RIC1: variants seen among roughly 807,000 people sequenced by gnomAD.
RIC1 encodes RIC1 partner of RAB6A GEF complex.
Under a neutral mutation model 169.0 loss-of-function variants are expected in RIC1, and 88 were observed. That is an observed-to-expected ratio of 0.52 (90% CI 0.44 to 0.62). The LOEUF is 0.62. Among genes scored for constraint, RIC1 ranks in the 20% least tolerant of loss-of-function variants. RIC1 has a pLI of 0.00. For missense variants in RIC1, 1,877 were observed against 1,725.5 expected, an observed-to-expected ratio of 1.09 and a Z score of -1.56; for synonymous variants, 790 against 601.5, an observed-to-expected ratio of 1.31 and a Z score of -4.59.
chr9:5,760,412 A>G (rs1260917022), intron 17 of RIC1, among the ~76,000 whole-genome samples: 1 of 152,356 alleles, frequency 6.6e-6, no homozygotes, highest in Admixed American at 6.5e-5. Flanking sequence ...AGAAAAGAGA[A>G]GTGTACTTTT....
intron 1 of RIC1, among the ~76,000 whole-genome samples, chr9:5,646,006 T>G (rs1454222466): frequency 1.3e-5 from 2 of 150,842 alleles, no homozygotes; most frequent in East Asian, 3.9e-4. Context: ...AATTGCCACA[T>G]ACTGTGTTTC....
intron 4 of RIC1, among the ~76,000 whole-genome samples, chr9:5,715,156 A>G (rs1275602380): frequency 6.6e-6 from 1 of 152,214 alleles, no homozygotes; most frequent in Non-Finnish European, 1.5e-5. Context: ...CTTGGTCACA[A>G]GGTTATTCAT....
intron 6 of RIC1, among the ~76,000 whole-genome samples, chr9:5,730,246 TA>T (rs1302593663): frequency 6.6e-6 from 1 of 152,144 alleles, no homozygotes; most frequent in Non-Finnish European, 1.5e-5. Flanking sequence ...TCCTGAGGAC[TA>T]AAAGAGCTGG....
At position 5,680,456 on chromosome 9, in the gene RIC1, G is replaced by A. The variant is rs920129604; in HGVS notation, c.253-9503G>A. ...TGTACCTCTGGTAGAATTCAGCTGT[G>A]AATCCATCTGGTTCTGGACTTTTTT... On this transcript the variant is annotated intron_variant, in intron 2 of 25. Transcript: ENST00000414202. 5.3e-5 allele frequency among the ~76,000 whole-genome samples: 8 copies of A among 152,288 alleles called. No homozygotes were observed. The East Asian group carries it at 1.3e-3, about 26-fold the overall frequency.
intron 21 of RIC1, among the ~76,000 whole-genome samples, chr9:5,768,409 C>T (rs1166930150): frequency 3.9e-5 from 6 of 152,070 alleles, no homozygotes; most frequent in Admixed American, 3.9e-4. Context: ...TACCTGTAGT[C>T]CCAGCTACTT....
rs759252143 is a variant in RIC1 at position 5,703,784 on chromosome 9, C to T, written c.333-10112C>T. ...GTTTATCCATGAATCAGGTGATGGCCATTGAGGTTGTTTTCACTTTTTGGC... is the reference window on the plus strand; with the variant it reads ...GTTTATCCATGAATCAGGTGATGGCTATTGAGGTTGTTTTCACTTTTTGGC... On this transcript the variant is annotated intron_variant, in intron 3 of 25. Coordinates refer to ENST00000414202, the MANE Select transcript of RIC1 (RefSeq NM_020829.4). Among the ~76,000 whole-genome samples, 41 of 152,254 alleles carry T rather than the reference C, an allele frequency of 2.7e-4. No homozygotes were observed. The Middle Eastern group carries it at 0.01, about 38-fold the overall frequency.
At chr9:5,667,941 C>A (rs1679798575) in intron 2 of RIC1, among the ~76,000 whole-genome samples, 1 of 152,186 alleles carries the variant, frequency 6.6e-6, no homozygotes, top group South Asian at 2.1e-4. Context: ...TGTATTAGTT[C>A]TTTCTCATGC....
chr9:5,680,257 G>T (rs978546067), intron 2 of RIC1, among the ~76,000 whole-genome samples: 1 of 152,094 alleles, frequency 6.6e-6, no homozygotes, highest in East Asian at 1.9e-4. Context: ...ATTTTATTGA[G>T]GATTTTTGCT....
intron 3 of RIC1, among the ~76,000 whole-genome samples, chr9:5,704,256 T>C (rs922560889): frequency 6.6e-6 from 1 of 152,022 alleles, no homozygotes; most frequent in Non-Finnish European, 1.5e-5. Flanking sequence ...TCTTGCTCTG[T>C]CTTCCAGGCA....
intron 1 of RIC1, among the ~76,000 whole-genome samples, chr9:5,644,742 T>C (rs1372580240): frequency 6.6e-6 from 1 of 152,248 alleles, no homozygotes; most frequent in African/African-American, 2.4e-5. Context: ...TGTATACATG[T>C]CTGTGTGTGG....
At chr9:5,666,965 G>T (rs1473985015) in intron 2 of RIC1, among the ~76,000 whole-genome samples, 2 of 152,052 alleles carry the variant, frequency 1.3e-5, no homozygotes, top group Non-Finnish European at 2.9e-5. Flanking sequence ...TGATTTTTGT[G>T]ATTTGAATCA....
intron 2 of RIC1, among the ~76,000 whole-genome samples, chr9:5,671,579 A>G (rs997176016): frequency 6.6e-6 from 1 of 152,228 alleles, no homozygotes; most frequent in Admixed American, 6.5e-5. Context: ...CCCAGCCTGT[A>G]TTATTTTATA....
At chr9:5,771,438 C>G (rs1271355686) in intron 23 of RIC1, among the ~76,000 whole-genome samples, 1 of 152,084 alleles carries the variant, frequency 6.6e-6, no homozygotes, top group South Asian at 2.1e-4. Flanking sequence ...ATGATGGACA[C>G]TTGGGTTGCT....
intron 16 of RIC1, 143 bp downstream of exon 16, chr9:5,756,515 A>T (rs1826027780): frequency 2.2e-6 from 1 of 459,366 alleles, no homozygotes; most frequent in Admixed American, 4.0e-5. Context: ...AGGAGTTTTA[A>T]TTAGTGATAT....
intron 3 of RIC1, among the ~76,000 whole-genome samples, chr9:5,694,035 C>G (rs1048110741): frequency 6.6e-6 from 1 of 152,066 alleles, no homozygotes; most frequent in African/African-American, 2.4e-5. Flanking sequence ...TCTCCTCTTC[C>G]CCCTCCACCC....
intron 2 of RIC1, among the ~76,000 whole-genome samples, chr9:5,689,674 CACTT>C (rs1365213455): frequency 1.3e-5 from 2 of 152,130 alleles, no homozygotes; most frequent in Non-Finnish European, 2.9e-5. Context: ...GCAAAATAGT[CACTT>C]ACTCATTATT....
At chr9:5,738,575 T>A (rs1308092973) in intron 8 of RIC1, 37 bp downstream of exon 8, 1 of 1,262,598 alleles carries the variant, frequency 7.9e-7, no homozygotes, top group Non-Finnish European at 1.1e-6. Context: ...TTAACATTTT[T>A]AATGTACTGG....
At chr9:5,741,658 C>T (rs1175858824) in intron 8 of RIC1, among the ~76,000 whole-genome samples, 1 of 152,106 alleles carries the variant, frequency 6.6e-6, no homozygotes, top group Non-Finnish European at 1.5e-5. Context: ...TTTTTCCAAT[C>T]TGTATGCATC....
At chr9:5,664,159 C>T (rs2130511047) in intron 2 of RIC1, among the ~76,000 whole-genome samples, 1 of 152,200 alleles carries the variant, frequency 6.6e-6, no homozygotes, top group East Asian at 1.9e-4. Context: ...CCTGTAATCC[C>T]AGCACTTTGG....
Sources: gnomAD v4.1 joint callset for allele counts (sites outside exome capture counted in the v4.1 genomes callset) on GRCh38, gnomAD v4.1.1 for gene constraint, MANE v1.5 for transcripts, NCBI Gene and HGNC (gene_info 2026-07-23, HGNC 2026-07-21) for gene names.